The following THADA variants were observed in gnomAD, a reference collection of about 807,000 sequenced individuals.
THADA encodes the protein THADA armadillo repeat containing, also known as tRNA (32-2'-O)-methyltransferase regulator THADA.
A neutral mutation model predicts 219.8 loss-of-function variants in THADA; 213 were observed. The observed-to-expected ratio is 0.97, with a 90% CI of 0.87 to 1.09. THADA has a LOEUF of 1.09. THADA is among the 50% of genes least tolerant of loss of function. The pLI is 0.00. For synonymous variants in THADA, 1,018 were observed against 828.9 expected (o/e 1.23, Z -3.92); for missense variants, 2,956 against 2,311.3 (o/e 1.28, Z -5.72).
intron 16 of THADA, among the ~76,000 whole-genome samples, chr2:43,558,117 C>T (rs537899333): frequency 6.6e-6 from 1 of 152,154 alleles, no homozygotes; most frequent in African/African-American, 2.4e-5. Flanking sequence ...GTCTTTGTTC[C>T]GTCATCTTAG....
chr2:43,371,949 GCCCCAGGATATTCA>G (rs1303013615), intron 29 of THADA: 1 of 152,086 alleles, frequency 6.6e-6, no homozygotes, highest in Non-Finnish European at 1.5e-5. Flanking sequence ...TAAAACCCAG[GCCCCAGGATATTCA>G]CCTCATGCTG....
At chr2:43,448,860 A>G (rs191265937) in intron 26 of THADA, among the ~76,000 whole-genome samples, 86 of 152,280 alleles carry the variant, frequency 5.6e-4, no homozygotes, top group Non-Finnish European at 8.8e-5. Context: ...CAGAGTTACT[A>G]CACTATTAGA....
Position 43,556,456 on chromosome 2 carries a change from A to G in THADA, c.2563T>C (p.Leu855=). Residue 855 remains leucine, a synonymous_variant, in exon 17 of 38, where the codon TTA becomes CTA. Transcript: ENST00000405975. ...CVTASYLLNF[L]IWQDALPSSL... ...GACGGTAGAGCATCCTGCCAGATTA[A>G]GAAGTTCAGCAGGTAGGAAGCTGTC... 2 of 1,613,960 alleles carry G rather than the reference A, an allele frequency of 1.2e-6. No individual in the cohort carries two copies. Among genetic ancestry groups the G allele is most frequent in the Non-Finnish European group, 1.7e-6 (2 of 1,179,860 alleles).
chr2:43,315,633 TA>T (rs898518239), intron 31 of THADA, among the ~76,000 whole-genome samples: 1 of 150,242 alleles, frequency 6.7e-6, no homozygotes. Context: ...TCCAGCTAAT[TA>T]AAAAAAAAAT....
chr2:43,550,073 A>G (rs1282024739), intron 19 of THADA, among the ~76,000 whole-genome samples: 1 of 152,192 alleles, frequency 6.6e-6, no homozygotes, highest in South Asian at 2.1e-4. Flanking sequence ...TGTAAGCTCC[A>G]TGAATGCAAC....
rs1161439504 is a variant in THADA, at chr2:43,566,841, T to A, written c.2188-20A>T. On this transcript the variant is annotated intron_variant, in intron 14 of 37. Coordinates refer to ENST00000405975, the MANE Select transcript of THADA (RefSeq NM_022065.5). ...GAAATTCTTAAAAAAAAAAAAAAAA[T>A]TACAGTAAGTATAATTACGTCACAA... The A allele has an allele frequency of 2.5e-5, 24 of 975,522 alleles. No homozygotes were observed. Among genetic ancestry groups the A allele is most frequent in the Non-Finnish European group, 3.2e-5 (22 of 697,088 alleles). The allele number at this position is 975,522 out of a possible 1,614,324, so 60.4% of individuals were successfully genotyped here.
In THADA at chr2:43,452,122, A is replaced by G. The variant is rs141233576; in HGVS notation, c.3837-21820T>C. On this transcript the variant is annotated intron_variant, in intron 26 of 37. Transcript: ENST00000405975. ...ACTCCATCTCAGAAAGAAAGAAAGA[A>G]AAAAGAAATTGCCCAACAATTCCTC... 2.6e-3 allele frequency among the ~76,000 whole-genome samples: 391 copies of G among 152,316 alleles called. 2 individuals carry two copies. Among genetic ancestry groups the G allele is most frequent in the African/African-American group, 9.3e-3 (385 of 41,570 alleles).
At chr2:43,587,068 G>T (rs1008568407) in intron 4 of THADA, 66 bp from the exon 5 acceptor site, 1 of 1,479,040 alleles carries the variant, frequency 6.8e-7, no homozygotes, top group Non-Finnish European at 9.3e-7. Context: ...GGAGAGGGAA[G>T]AGAATCATAC....
Position 43,566,746 on chromosome 2 carries a change from C to A in THADA, c.2263G>T (p.Ala755Ser). The A allele has an allele frequency of 6.3e-7, 1 of 1,587,288 alleles. No homozygotes were observed. The highest frequency in any genetic ancestry group is 8.5e-7 in the Non-Finnish European group (1 of 1,171,702). The stretch of plus-strand genomic sequence containing the variant: ...GCTATTGAACCTAAAATGGTTAAAG[C>A]TGAAAATCTAGTCGAGTAGGAAGAT... ...PGSSYSTRFS[A>S]LTILGSIAEV... Residue 755 changes from alanine to serine, a missense_variant, in exon 15 of 38, where the codon GCT becomes TCT. Transcript: ENST00000405975.
chr2:43,454,421 T>G (rs1682732814), intron 26 of THADA, among the ~76,000 whole-genome samples: 1 of 151,904 alleles, frequency 6.6e-6, no homozygotes, highest in Non-Finnish European at 1.5e-5. Context: ...GGCAACATGG[T>G]GAAAACCCAT....
intron 34 of THADA, among the ~76,000 whole-genome samples, chr2:43,290,437 C>A (rs1000808780): frequency 3.3e-5 from 5 of 152,060 alleles, no homozygotes; most frequent in Non-Finnish European, 7.4e-5. Flanking sequence ...GAAATTGGAC[C>A]TGCTTGTTAA....
chr2:43,287,157 T>C (rs1674130683), intron 34 of THADA, 96 bp from the exon 35 acceptor site: 2 of 1,089,854 alleles, frequency 1.8e-6, no homozygotes, highest in Admixed American at 2.7e-5. Context: ...GCCTGTAGAT[T>C]AGCTCTTAGC....
intron 26 of THADA, among the ~76,000 whole-genome samples, chr2:43,443,306 A>G (rs1482919055): frequency 6.6e-6 from 1 of 152,232 alleles, no homozygotes; most frequent in Admixed American, 6.5e-5. Context: ...ACACATTAAT[A>G]ATTACACAAA....
At chr2:43,243,156 G>A (rs1371062681) in intron 36 of THADA, among the ~76,000 whole-genome samples, 1 of 152,156 alleles carries the variant, frequency 6.6e-6, no homozygotes, top group Non-Finnish European at 1.5e-5. Flanking sequence ...CACTATTCCT[G>A]GGGTCTCCCT....
intron 4 of THADA, among the ~76,000 whole-genome samples, chr2:43,590,241 T>C (rs1231082350): frequency 6.6e-6 from 1 of 152,058 alleles, no homozygotes; most frequent in African/African-American, 2.4e-5. Context: ...CAAGAACAGA[T>C]AGGACAAAAA....
chr2:43,469,617 G>A (rs1349053372), intron 26 of THADA, among the ~76,000 whole-genome samples: 3 of 151,994 alleles, frequency 2.0e-5, no homozygotes, highest in African/African-American at 7.3e-5. Flanking sequence ...TAGTTTCATT[G>A]AATGTTTATA....
intron 29 of THADA, among the ~76,000 whole-genome samples, chr2:43,356,007 A>G (rs1185280420): frequency 6.6e-6 from 1 of 152,220 alleles, no homozygotes; most frequent in Admixed American, 6.5e-5. Flanking sequence ...CCAATATAGG[A>G]AGAGCTTATG....
At chr2:43,353,190 C>G (rs1394664509) in intron 29 of THADA, among the ~76,000 whole-genome samples, 1 of 152,158 alleles carries the variant, frequency 6.6e-6, no homozygotes, top group Non-Finnish European at 1.5e-5. Context: ...TGGATACACA[C>G]CCAGAAGCAG....
At chr2:43,360,892 A>G (rs764569158) in intron 29 of THADA, among the ~76,000 whole-genome samples, 1 of 152,224 alleles carries the variant, frequency 6.6e-6, no homozygotes, top group Non-Finnish European at 1.5e-5. Context: ...TCATACTAAT[A>G]CTAGACTGAT....
Sources: gnomAD v4.1 joint callset for allele counts (sites outside exome capture counted in the v4.1 genomes callset) on GRCh38, gnomAD v4.1.1 for gene constraint, MANE v1.5 for transcripts, NCBI Gene and HGNC (gene_info 2026-07-23, HGNC 2026-07-21) for gene names.